FGF14: variants seen among roughly 807,000 people sequenced by gnomAD.
The protein encoded by FGF14 is fibroblast growth factor 14.
FGF14 carries 5 observed loss-of-function variants against 25.5 expected under a neutral mutation model. The observed-to-expected ratio is 0.20, with a 90% confidence interval of 0.10 to 0.41. The LOEUF is 0.41. Among genes scored for constraint, FGF14 ranks in the 10% least tolerant of loss-of-function variants. The pLI, the probability that FGF14 is intolerant of heterozygous loss-of-function variation, is 1.00. For missense variants in FGF14, 222 were observed against 320.1 expected, an observed-to-expected ratio of 0.69 and a Z score of 2.34; for synonymous variants, 138 against 118.3, an observed-to-expected ratio of 1.17 and a Z score of -1.08.
intron 3 of FGF14, among the ~76,000 whole-genome samples, chr13:101,867,934 A>ACACGCG (rs1423363736): frequency 5.4e-4 from 72 of 133,906 alleles, no homozygotes; most frequent in Non-Finnish European, 9.1e-4. Flanking sequence ...ACACACACAC[A>ACACGCG]CGCGCACACA....
chr13:101,775,544 G>T (rs973922404), intron 3 of FGF14, among the ~76,000 whole-genome samples: 3 of 152,074 alleles, frequency 2.0e-5, no homozygotes, highest in South Asian at 2.1e-4. Flanking sequence ...GTGTGTTAGA[G>T]TTGCCAAGTA....
intron 1 of FGF14, among the ~76,000 whole-genome samples, chr13:102,090,621 C>G (rs1379377360): frequency 6.6e-6 from 1 of 152,202 alleles, no homozygotes; most frequent in Non-Finnish European, 1.5e-5. Context: ...TGAAAGGGCA[C>G]AGATGGCAGT....
At chr13:102,365,323 A>C (rs1352228479) in intron 1 of FGF14, among the ~76,000 whole-genome samples, 1 of 152,106 alleles carries the variant, frequency 6.6e-6, no homozygotes, top group Non-Finnish European at 1.5e-5. Context: ...GAATCCATGG[A>C]AATGGAAAGA....
chr13:101,745,366 A>G (rs900753119), intron 3 of FGF14, among the ~76,000 whole-genome samples: 1 of 152,082 alleles, frequency 6.6e-6, no homozygotes, highest in Non-Finnish European at 1.5e-5. Context: ...ATCATCACTC[A>G]AAGTACATAC....
intron 1 of FGF14, among the ~76,000 whole-genome samples, chr13:102,045,052 C>T (rs1470356530): frequency 1.3e-5 from 2 of 152,160 alleles, no homozygotes; most frequent in African/African-American, 2.4e-5. Context: ...GTCTGTTAAG[C>T]TGACCTCAGA....
chr13:102,015,460 G>A (rs945738050), intron 1 of FGF14, among the ~76,000 whole-genome samples: 1 of 152,152 alleles, frequency 6.6e-6, no homozygotes, highest in African/African-American at 2.4e-5. Flanking sequence ...CAAGAAAAAT[G>A]TATACTATCA....
chr13:102,161,644 A>G (rs1163801606), intron 1 of FGF14, among the ~76,000 whole-genome samples: 299 of 16,992 alleles, frequency 0.018, 13 homozygotes, highest in Non-Finnish European at 0.024. Context: ...GAAGAAGAAG[A>G]AGAAGAAGAA....
rs552103896 is a variant in FGF14, at chr13:102,157,593, C to A, written c.208+243878G>T. Among the ~76,000 whole-genome samples, 364 of 152,268 alleles carry A rather than the reference C, an allele frequency of 2.4e-3. 1 individual carries two copies. Among genetic ancestry groups the A allele is most frequent in the Non-Finnish European group, 3.9e-3 (265 of 68,018 alleles). On this transcript the variant is annotated intron_variant, in intron 1 of 4. Coordinates refer to the FGF14 transcript ENST00000376131. ...TAGGCAATACCATTCAGGACATAGGCATGGGCAAGGACTTCATGTCTAAAA... is the reference window on the plus strand; with the variant it reads ...TAGGCAATACCATTCAGGACATAGGAATGGGCAAGGACTTCATGTCTAAAA...
chr13:101,742,216 G>A (rs2036599776), intron 3 of FGF14, among the ~76,000 whole-genome samples: 1 of 152,256 alleles, frequency 6.6e-6, no homozygotes, highest in South Asian at 2.1e-4. Context: ...CCTGATGCAT[G>A]CAGGGCTTAA....
intron 3 of FGF14, among the ~76,000 whole-genome samples, chr13:101,735,740 T>C (rs1047423596): frequency 6.6e-6 from 1 of 151,582 alleles, no homozygotes; most frequent in African/African-American, 2.4e-5. Flanking sequence ...GAGGGTGTCA[T>C]AGTGGGTGGT....
intron 3 of FGF14, among the ~76,000 whole-genome samples, chr13:101,759,615 T>C (rs1388293760): frequency 1.3e-5 from 2 of 152,212 alleles, no homozygotes; most frequent in African/African-American, 4.8e-5. Flanking sequence ...CTGTCTCACC[T>C]ATTTTAATTT....
At chr13:101,784,632 G>A (rs542993058) in intron 3 of FGF14, among the ~76,000 whole-genome samples, 1 of 152,204 alleles carries the variant, frequency 6.6e-6, no homozygotes, top group African/African-American at 2.4e-5. Flanking sequence ...ATGTTTGAAT[G>A]GTAACATATA....
At chr13:102,309,648 G>A (rs939419726) in intron 1 of FGF14, among the ~76,000 whole-genome samples, 1 of 152,178 alleles carries the variant, frequency 6.6e-6, no homozygotes. Context: ...GATGAGCACT[G>A]AAATGTTTAA....
chr13:102,125,106 G>C (rs771703688), intron 1 of FGF14, among the ~76,000 whole-genome samples: 5 of 152,008 alleles, frequency 3.3e-5, no homozygotes, highest in Non-Finnish European at 7.4e-5. Flanking sequence ...ACTGTGGATT[G>C]CTTCATCTTT....
intron 4 of FGF14, among the ~76,000 whole-genome samples, chr13:101,723,397 A>G (rs960065765): frequency 1.3e-5 from 2 of 152,086 alleles, no homozygotes; most frequent in South Asian, 2.1e-4. Context: ...ACTTCAATCA[A>G]TCTTTGTGAG....
intron 1 of FGF14, among the ~76,000 whole-genome samples, chr13:101,971,374 CTTT>C (rs34042855): frequency 6.1e-5 from 9 of 146,524 alleles, no homozygotes; most frequent in South Asian, 4.4e-4. Context: ...CAGCATATAA[CTTT>C]TTTTTTTTTT....
intron 3 of FGF14, among the ~76,000 whole-genome samples, chr13:101,848,674 T>C (rs982285588): frequency 7.2e-5 from 11 of 151,962 alleles, no homozygotes; most frequent in African/African-American, 2.7e-4. Context: ...AATTCTCAAA[T>C]GGTTTGAGAA....
intron 1 of FGF14, among the ~76,000 whole-genome samples, chr13:102,206,201 T>C (rs1414894609): frequency 6.6e-6 from 1 of 151,308 alleles, no homozygotes; most frequent in Admixed American, 6.6e-5. Flanking sequence ...GCAAGTTGGG[T>C]GTACGGTAAA....
intron 1 of FGF14, among the ~76,000 whole-genome samples, chr13:102,303,277 T>C (rs1220495081): frequency 1.3e-5 from 2 of 152,212 alleles, no homozygotes; most frequent in Non-Finnish European, 1.5e-5. Context: ...AAACAGCATC[T>C]GCTCCACAGT....
Sources: allele counts gnomAD v4.1 joint callset (sites outside exome capture counted in the v4.1 genomes callset), GRCh38; gene constraint gnomAD v4.1.1; transcripts MANE v1.5; gene names NCBI Gene and HGNC (gene_info 2026-07-23, HGNC 2026-07-21).